The following NLRP14 variants were observed in gnomAD, a reference collection of about 807,000 sequenced individuals.
The protein encoded by NLRP14 is NLR family pyrin domain containing 14.
Under a neutral mutation model 94.7 loss-of-function variants are expected in NLRP14, and 105 were observed. The observed-to-expected ratio is 1.11, with a 90% CI of 0.95 to 1.30. NLRP14 has a LOEUF of 1.30. Ranked by LOEUF, NLRP14 falls within the 50% of genes most tolerant of loss-of-function variation. The probability of loss-of-function intolerance (pLI) is 0.00; values close to 1 mark genes in which losing one functional copy is unlikely to be tolerated. For synonymous variants in NLRP14, 508 were observed against 459.9 expected (o/e 1.10, Z -1.34); for missense variants, 1,362 against 1,254.1 (o/e 1.09, Z -1.30).
intron 6 of NLRP14, among the ~76,000 whole-genome samples, chr11:7,052,587 T>C (rs991002680): frequency 6.6e-6 from 1 of 152,176 alleles, no homozygotes; most frequent in East Asian, 1.9e-4. Flanking sequence ...TGAGCCAAGA[T>C]GGCGCCACTG....
At chr11:7,037,028 GA>G (rs1354652139) in intron 1 of NLRP14, among the ~76,000 whole-genome samples, 1 of 152,150 alleles carries the variant, frequency 6.6e-6, no homozygotes, top group Non-Finnish European at 1.5e-5. Flanking sequence ...TTTGTTACAG[GA>G]AAGACAAAGA....
intron 6 of NLRP14, among the ~76,000 whole-genome samples, chr11:7,056,261 A>G (rs1485453061): frequency 6.6e-6 from 1 of 151,964 alleles, no homozygotes; most frequent in Non-Finnish European, 1.5e-5. Context: ...AAGACAATTG[A>G]TAAAAAGTAC....
chr11:7,052,653 C>A (rs1192752628), intron 6 of NLRP14, among the ~76,000 whole-genome samples: 1 of 152,064 alleles, frequency 6.6e-6, no homozygotes, highest in Non-Finnish European at 1.5e-5. Flanking sequence ...AAAAACAAAG[C>A]TGGCTAAGAG....
intron 1 of NLRP14, among the ~76,000 whole-genome samples, chr11:7,023,531 T>TTA (rs1370331056): frequency 1.6e-5 from 2 of 126,132 alleles, no homozygotes; most frequent in East Asian, 5.0e-4. Context: ...TAAAATATAT[T>TTA]TATATTTATA....
At chr11:7,089,601 C>A in the NLRP14 span, 9 of 1,195,222 alleles carry the variant, frequency 7.5e-6, no homozygotes, top group Admixed American at 9.4e-5. Flanking sequence ...CGGCCCACCC[C>A]CCAAGAGGGC....
At chr11:7,059,562 C>T (rs75827989) in intron 8 of NLRP14, among the ~76,000 whole-genome samples, 4,715 of 152,034 alleles carry the variant, frequency 0.031, 97 homozygotes, top group Middle Eastern at 0.068. Flanking sequence ...AGAGTACTTA[C>T]TTTATTAAGA....
At chr11:7,064,715 A>G (rs941217672) in intron 10 of NLRP14, among the ~76,000 whole-genome samples, 2 of 152,148 alleles carry the variant, frequency 1.3e-5, no homozygotes, top group Non-Finnish European at 2.9e-5. Context: ...TACCAATTCT[A>G]TATTATCTGA....
intron 10 of NLRP14, among the ~76,000 whole-genome samples, chr11:7,068,282 C>T (rs901660747): frequency 3.0e-4 from 45 of 152,152 alleles, no homozygotes; most frequent in African/African-American, 1.1e-3. Context: ...TTACCATTTA[C>T]TAAATTCTTG....
At position 7,038,783 on chromosome 11, in the gene NLRP14, A is replaced by T; in HGVS notation, c.197A>T (p.Tyr66Phe). 1.2e-6 allele frequency: 2 copies of T among 1,613,442 alleles called. No homozygotes were observed. The highest frequency in any genetic ancestry group is 1.7e-6 in the Non-Finnish European group (2 of 1,179,726). ...CTGGCCAATTTGATGAAGAAATATT[A>T]TCCAGGAGAGAAAGCCTGGAGTGTG... ...EDLANLMKKY[Y>F]PGEKAWSVSL... The change falls in exon 2 of 12, where the codon TAT becomes TTT. Residue 66 changes from tyrosine (Y) to phenylalanine (F), a missense_variant. Coordinates refer to ENST00000299481, the MANE Select transcript of NLRP14 (RefSeq NM_176822.4).
chr11:7,043,137 GT>G lies in NLRP14; in HGVS notation c.1112del (p.Val371GlyfsTer9), dbSNP rs867185956. On this transcript the variant is annotated frameshift_variant, in exon 4 of 12. Transcript: ENST00000299481. LOFTEE classifies it high-confidence loss of function. ...GTTTAGCATGTGCCAAGTCCCCCTA[GT>G]GTGCTGGGCCGCTTGTACTTGTCTG... ...MLFSMCQVPL[V>X]CWAACTCLKQ... 6.2e-7 allele frequency: 1 copy of G among 1,614,148 alleles called. No individual in the cohort carries two copies.
intron 4 of NLRP14, among the ~76,000 whole-genome samples, chr11:7,044,695 A>G (rs528813924): frequency 6.6e-6 from 1 of 152,320 alleles, no homozygotes; most frequent in East Asian, 1.9e-4. Flanking sequence ...GATTTGAACT[A>G]TGGAATTCAT....
chr11:7,059,146 G>T (rs942561837), intron 8 of NLRP14, among the ~76,000 whole-genome samples: 1 of 150,316 alleles, frequency 6.7e-6, no homozygotes, highest in Non-Finnish European at 1.5e-5. Context: ...TTCATGGGCT[G>T]TTTTTTTCTG....
intron 5 of NLRP14, 39 bp from the exon 6 acceptor site, chr11:7,049,632 A>G: frequency 2.1e-6 from 3 of 1,452,734 alleles, no homozygotes; most frequent in Non-Finnish European, 2.9e-6. Flanking sequence ...AAGGAGAGAA[A>G]TGGTTTTGTA....
downstream of NLRP14, among the ~76,000 whole-genome samples, chr11:7,072,005 A>C (rs1048737038): frequency 2.6e-5 from 4 of 152,232 alleles, no homozygotes; most frequent in Non-Finnish European, 5.9e-5. Context: ...CTAGAAACAG[A>C]TTCTTTCATT....
At chr11:7,077,435 A>G in the NLRP14 span, among the ~76,000 whole-genome samples, 2 of 152,250 alleles carry the variant, frequency 1.3e-5, no homozygotes, top group Non-Finnish European at 1.5e-5. Context: ...AAAGACAGAA[A>G]TGGATTCCAG....
chr11:7,089,594 C>T, the NLRP14 span: 4 of 1,187,122 alleles, frequency 3.4e-6, no homozygotes, highest in Non-Finnish European at 4.2e-6. Context: ...GCAGGGTCGG[C>T]CCACCCCCCA....
chr11:7,038,727 G>A lies in NLRP14; in HGVS notation c.141G>A (p.Trp47Ter). Residue 47 changes from tryptophan to a stop codon, truncating the protein, a stop_gained, in exon 2 of 12, where the codon TGG (tryptophan) becomes TGA (stop). Transcript: ENST00000299481. LOFTEE classifies it high-confidence loss of function. The stretch of plus-strand genomic sequence containing the variant: ...AACCTGAGCATGGCCTGACACCCTG[G>A]AATGAAGTGAAGAAGGCCAGGCGGG... ...TMEPEHGLTP[W>*]NEVKKARRED... is the part of the protein sequence containing the mutation. 1 of 1,614,108 alleles carries A rather than the reference G, an allele frequency of 6.2e-7. No individual in the cohort carries two copies. Among genetic ancestry groups the A allele is most frequent in the East Asian group, 2.2e-5 (1 of 44,876 alleles).
chr11:7,065,861 C>A (rs1490535292), intron 10 of NLRP14, among the ~76,000 whole-genome samples: 1 of 152,030 alleles, frequency 6.6e-6, no homozygotes, highest in Non-Finnish European at 1.5e-5. Context: ...CCTCTGCTAG[C>A]CCCCATCCCC....
chr11:7,074,731 G>C (rs753018225), downstream of NLRP14, among the ~76,000 whole-genome samples: 2 of 152,220 alleles, frequency 1.3e-5, no homozygotes, highest in African/African-American at 4.8e-5. Flanking sequence ...GCCAGCTTGA[G>C]AATGCATCTA....
Sources: allele counts gnomAD v4.1 joint callset (sites outside exome capture counted in the v4.1 genomes callset), GRCh38; gene constraint gnomAD v4.1.1; transcripts MANE v1.5; gene names NCBI Gene and HGNC (gene_info 2026-07-23, HGNC 2026-07-21).